Variants in PAN3 observed in about 807,000 individuals in gnomAD.
PAN3 encodes poly(A) specific ribonuclease subunit PAN3.
In PAN3, 19 loss-of-function variants were observed where a neutral mutation model predicts 96.2. The observed-to-expected ratio is 0.20, with a 90% CI of 0.14 to 0.29. The LOEUF (loss-of-function observed/expected upper bound fraction) is 0.29. Among genes scored for constraint, PAN3 ranks in the 10% least tolerant of loss-of-function variants. The probability of loss-of-function intolerance (pLI) is 1.00; values close to 1 mark genes in which losing one functional copy is unlikely to be tolerated. For missense variants in PAN3, 882 were observed against 1,108.1 expected (o/e 0.80, Z 2.90); for synonymous variants, 433 against 406.6 (o/e 1.06, Z -0.78).
intron 4 of PAN3, among the ~76,000 whole-genome samples, chr13:28,185,033 A>T (rs1017203032): frequency 6.6e-6 from 1 of 152,176 alleles, no homozygotes; most frequent in Non-Finnish European, 1.5e-5. Flanking sequence ...TTAAAATAAC[A>T]TGGAAATCTC....
At chr13:28,188,245 C>G (rs1356059021) in intron 4 of PAN3, among the ~76,000 whole-genome samples, 1 of 125,922 alleles carries the variant, frequency 7.9e-6, no homozygotes, top group Admixed American at 7.2e-5. Context: ...TCAAAATAAG[C>G]CTGCATTTTT....
chr13:28,295,012 A>G lies in PAN3; in HGVS notation c.*2490A>G, dbSNP rs1372277202. ...ATATCCAAGAGTAGTCAAATTAAGG[A>G]TATAAACTTTCCACACCTTCCTGTC... On this transcript the variant is annotated 3_prime_UTR_variant, in exon 19 of 19. Coordinates refer to ENST00000380958, the MANE Select transcript of PAN3 (RefSeq NM_175854.8). 3.9e-5 allele frequency: 6 copies of G among 152,152 alleles called. No homozygotes were observed. Among genetic ancestry groups the G allele is most frequent in the Non-Finnish European group, 8.8e-5 (6 of 68,030 alleles). The allele number at this position is 152,152 out of a possible 1,614,324, so 9.4% of individuals were successfully genotyped here.
Position 28,230,930 on chromosome 13 carries a change from C to G in PAN3, c.1000+10552C>G, listed in dbSNP as rs138414390. On this transcript the variant is annotated intron_variant, in intron 6 of 18. Transcript: ENST00000380958. ...GTTATATTTAGTAGCTAACACCTTT[C>G]TTCCCTCTGTTTTGATGCTTCGTTT... Among the ~76,000 whole-genome samples, 321 of 152,270 alleles carry G rather than the reference C, an allele frequency of 2.1e-3. 2 individuals carry two copies. Among genetic ancestry groups the G allele is most frequent in the Non-Finnish European group, 3.4e-3 (231 of 68,004 alleles).
chr13:28,257,514 A>G (rs1885239717), intron 7 of PAN3, among the ~76,000 whole-genome samples: 1 of 151,076 alleles, frequency 6.6e-6, no homozygotes, highest in African/African-American at 2.4e-5. Context: ...CGAGTAAGTG[A>G]AGTTTCATCC....
In PAN3 at chr13:28,243,264, A is replaced by G. The variant is rs142899779; in HGVS notation, c.1001-13028A>G. Among the ~76,000 whole-genome samples the G allele has an allele frequency of 7.0e-3, 1,061 of 152,302 alleles. 12 individuals are homozygous for G. Among genetic ancestry groups the G allele is most frequent in the African/African-American group, 0.024 (1,008 of 41,568 alleles). ...ATCTTCACTCTGGAATCTCAGATGC[A>G]CTTGATTTGGATACCCTTTTTAACT... On this transcript the variant is annotated intron_variant, in intron 6 of 18. Transcript: ENST00000380958.
rs752562748 is a variant in PAN3, at chr13:28,292,466, C to T, written c.2608C>T (p.Arg870Cys). 71 of 1,612,304 alleles carry T rather than the reference C, an allele frequency of 4.4e-5. No individual in the cohort carries two copies. Among genetic ancestry groups the T allele is most frequent in the African/African-American group, 1.1e-4 (8 of 74,866 alleles). Residue 870 changes from arginine to cysteine, a missense_variant, in exon 19 of 19, where the codon CGC (arginine) becomes TGC (cysteine). Coordinates refer to ENST00000380958, the MANE Select transcript of PAN3 (RefSeq NM_175854.8). ...VLVVTYSDLK[R>C]CFENTFQELI... ...TGTGGTGACCTACAGTGACTTAAAG[C>T]GCTGCTTTGAAAATACTTTTCAAGA...
chr13:28,189,717 C>A (rs1170741295), intron 4 of PAN3, among the ~76,000 whole-genome samples: 2 of 152,100 alleles, frequency 1.3e-5, no homozygotes, highest in African/African-American at 4.8e-5. Context: ...CTTTAGTACT[C>A]AAAGTGCGAT....
chr13:28,251,459 G>A (rs904091750), intron 6 of PAN3, among the ~76,000 whole-genome samples: 2 of 152,194 alleles, frequency 1.3e-5, no homozygotes, highest in Non-Finnish European at 2.9e-5. Context: ...AAAGCAGGTC[G>A]AGTATTGTGT....
intron 3 of PAN3, among the ~76,000 whole-genome samples, chr13:28,177,412 A>G (rs896995194): frequency 5.9e-5 from 9 of 152,152 alleles, no homozygotes; most frequent in African/African-American, 2.2e-4. Flanking sequence ...TGCAGAGTAA[A>G]TGGTTTTAAA....
intron 6 of PAN3, among the ~76,000 whole-genome samples, chr13:28,232,194 A>C (rs1430216351): frequency 6.6e-6 from 1 of 152,198 alleles, no homozygotes; most frequent in Non-Finnish European, 1.5e-5. Flanking sequence ...GGAGGCTGTA[A>C]AAATGAGGAT....
At position 28,248,232 on chromosome 13, in the gene PAN3, A is replaced by G. The variant is rs572751460; in HGVS notation, c.1001-8060A>G. ...CTTCTTCAGGTTGTTCACTGTTGGC[A>G]TATATAAATGTTACTGGTTTTTTTA... On this transcript the variant is annotated intron_variant, in intron 6 of 18. Transcript: ENST00000380958. 8.3e-4 allele frequency among the ~76,000 whole-genome samples: 126 copies of G among 152,268 alleles called. 2 individuals carry two copies. The highest frequency in any genetic ancestry group is 2.8e-3 in the African/African-American group (118 of 41,574).
At chr13:28,272,184 G>A (rs1237009085) in intron 14 of PAN3, 113 bp downstream of exon 14, 4 of 681,444 alleles carry the variant, frequency 5.9e-6, no homozygotes. Flanking sequence ...TTTTGGGGTG[G>A]TGTCTATGCA....
At chr13:28,257,786 A>ATT (rs1160117990) in intron 7 of PAN3, among the ~76,000 whole-genome samples, 1 of 139,642 alleles carries the variant, frequency 7.2e-6, no homozygotes, top group African/African-American at 2.6e-5. Flanking sequence ...AATTATATAT[A>ATT]ATATATAATT....
intron 3 of PAN3, among the ~76,000 whole-genome samples, chr13:28,176,838 C>G (rs558111895): frequency 6.6e-6 from 1 of 150,616 alleles, no homozygotes; most frequent in East Asian, 1.9e-4. Context: ...AAGACCATGT[C>G]TCTATTATTA....
At chr13:28,182,673 C>T (rs1035323390) in intron 4 of PAN3, among the ~76,000 whole-genome samples, 4 of 152,218 alleles carry the variant, frequency 2.6e-5, no homozygotes, top group East Asian at 1.9e-4. Context: ...CTGGCTGGTT[C>T]GTCTGCTGAT....
At chr13:28,230,340 C>A (rs2138432635) in intron 6 of PAN3, among the ~76,000 whole-genome samples, 1 of 150,636 alleles carries the variant, frequency 6.6e-6, no homozygotes, top group South Asian at 2.2e-4. Flanking sequence ...TTTAGTTTTT[C>A]AAAATACTTA....
intron 4 of PAN3, among the ~76,000 whole-genome samples, chr13:28,178,687 G>A (rs1172014213): frequency 1.3e-5 from 2 of 151,636 alleles, no homozygotes; most frequent in East Asian, 3.9e-4. Flanking sequence ...TTTAATGAGA[G>A]TAATAAATGT....
At chr13:28,231,508 T>TAA (rs1268967157) in intron 6 of PAN3, among the ~76,000 whole-genome samples, 1 of 152,232 alleles carries the variant, frequency 6.6e-6, no homozygotes, top group East Asian at 1.9e-4. Context: ...TGTTAATGCT[T>TAA]ACAGTATTTC....
Position 28,138,591 on chromosome 13 carries a change from C to G in PAN3, c.-67C>G, listed in dbSNP as rs1011890076. ...GCACCGGCAGCGTCTTCCTTTCCTCCCCCGTCTATGGTGGTGGCGGCGGCG... is the reference window on the plus strand; with the variant it reads ...GCACCGGCAGCGTCTTCCTTTCCTCGCCCGTCTATGGTGGTGGCGGCGGCG... On this transcript the variant is annotated 5_prime_UTR_variant, in exon 1 of 19. Coordinates refer to ENST00000380958, the MANE Select transcript of PAN3 (RefSeq NM_175854.8). 1.2e-5 allele frequency: 5 copies of G among 418,656 alleles called. No individual in the cohort carries two copies. The highest frequency in any genetic ancestry group is 2.0e-5 in the Non-Finnish European group (5 of 249,898). 25.9% of individuals were successfully genotyped at this position (418,656 alleles called of 1,614,324 possible).
Sources: gnomAD v4.1 joint callset for allele counts (sites outside exome capture counted in the v4.1 genomes callset) on GRCh38, gnomAD v4.1.1 for gene constraint, MANE v1.5 for transcripts, NCBI Gene and HGNC (gene_info 2026-07-23, HGNC 2026-07-21) for gene names.